ARHGAP27: variants seen among roughly 807,000 people sequenced by gnomAD.
ARHGAP27 encodes rho GTPase-activating protein 27.
ARHGAP27 carries 53 observed loss-of-function variants against 102.0 expected under a neutral mutation model. The observed-to-expected ratio is 0.52, with a 90% CI of 0.42 to 0.65. ARHGAP27 has a LOEUF of 0.65. Among genes scored for constraint, ARHGAP27 ranks in the 30% least tolerant of loss-of-function variants. The pLI is 0.00. For missense variants in ARHGAP27, 1,117 were observed against 1,256.2 expected, an observed-to-expected ratio of 0.89 and a Z score of 1.68; for synonymous variants, 525 against 542.8, an observed-to-expected ratio of 0.97 and a Z score of 0.46.
chr17:45,396,476 A>G lies in ARHGAP27; in HGVS notation c.2173+11T>C, dbSNP rs2045691069. 6.6e-7 allele frequency: 1 copy of G among 1,525,054 alleles called. No individual in the cohort carries two copies. 94.5% of individuals were successfully genotyped at this position (1,525,054 alleles called of 1,614,324 possible). On this transcript the variant is annotated intron_variant, in intron 16 of 19. Coordinates refer to ENST00000685559, the MANE Select transcript of ARHGAP27 (RefSeq NM_001282290.2). Reference sequence around the variant, plus strand: ...CAATGCCTGCCGCCCTCACCCCCGCAGCGCACGTACCGCGGGCCTCGACGG... The same window carrying G: ...CAATGCCTGCCGCCCTCACCCCCGCGGCGCACGTACCGCGGGCCTCGACGG...
chr17:45,418,204 C>T (rs2048673626), intron 4 of ARHGAP27, among the ~76,000 whole-genome samples: 1 of 147,790 alleles, frequency 6.8e-6, no homozygotes, highest in South Asian at 2.2e-4. Flanking sequence ...TTCGGCCTCC[C>T]AAAGTGCTAA....
chr17:45,418,036 CAAAA>C (rs781066887), intron 4 of ARHGAP27, among the ~76,000 whole-genome samples: 1 of 83,134 alleles, frequency 1.2e-5, no homozygotes, highest in Non-Finnish European at 2.5e-5. Flanking sequence ...GACTCTGTCT[CAAAA>C]AAAAAAAAAA....
chr17:45,416,693 G>A (rs1391434134), intron 4 of ARHGAP27, among the ~76,000 whole-genome samples: 4 of 150,896 alleles, frequency 2.7e-5, no homozygotes, highest in South Asian at 2.1e-4. Flanking sequence ...GATCACAGGC[G>A]CCCACCACCA....
chr17:45,406,185 C>A, intron 4 of ARHGAP27, 102 bp from the exon 5 acceptor site: 2 of 1,319,980 alleles, frequency 1.5e-6, no homozygotes, highest in South Asian at 3.2e-5. Flanking sequence ...TATTTGTTTT[C>A]GCTTTATTTT....
intron 12 of ARHGAP27, among the ~76,000 whole-genome samples, chr17:45,399,466 C>T (rs577077189): frequency 6.6e-6 from 1 of 152,114 alleles, no homozygotes; most frequent in South Asian, 2.1e-4. Flanking sequence ...GTGGCACGCA[C>T]CTGTAGTCCC....
chr17:45,399,403 T>C (rs2144274728), intron 12 of ARHGAP27, among the ~76,000 whole-genome samples: 1 of 152,120 alleles, frequency 6.6e-6, no homozygotes, highest in East Asian at 1.9e-4. Flanking sequence ...CCATTCTGGC[T>C]AACACAGTGA....
intron 4 of ARHGAP27, 53 bp from the exon 5 acceptor site, chr17:45,406,136 T>C (rs1002718910): frequency 4.8e-5 from 70 of 1,467,784 alleles, no homozygotes; most frequent in Non-Finnish European, 6.0e-5. Context: ...TCCAAAATGG[T>C]AACAGAGGTC....
chr17:45,421,401 GA>G (rs1330897120), intron 4 of ARHGAP27, among the ~76,000 whole-genome samples: 1 of 151,756 alleles, frequency 6.6e-6, no homozygotes, highest in African/African-American at 2.4e-5. Flanking sequence ...AGGATCACTT[GA>G]ACCCAGGAGG....
intron 4 of ARHGAP27, among the ~76,000 whole-genome samples, chr17:45,428,138 G>A (rs868691431): frequency 2.3e-4 from 35 of 152,348 alleles, no homozygotes; most frequent in Non-Finnish European, 3.7e-4. Context: ...ACCTCCAGGG[G>A]CTCTGCTCAG....
intron 4 of ARHGAP27, among the ~76,000 whole-genome samples, chr17:45,425,912 TC>T (rs1204866399): frequency 6.6e-6 from 1 of 152,068 alleles, no homozygotes; most frequent in African/African-American, 2.4e-5. Context: ...CCTGCTTACC[TC>T]CCCCGTCTCC....
chr17:45,404,725 G>A, intron 6 of ARHGAP27, 44 bp from the exon 7 acceptor site: 1 of 1,583,260 alleles, frequency 6.3e-7, no homozygotes, highest in South Asian at 1.1e-5. Flanking sequence ...CAGCTTATGA[G>A]AGGGGAGGAA....
At chr17:45,412,132 C>A (rs2047981902) in intron 4 of ARHGAP27, among the ~76,000 whole-genome samples, 1 of 152,190 alleles carries the variant, frequency 6.6e-6, no homozygotes, top group African/African-American at 2.4e-5. Flanking sequence ...AAGCTGGGCC[C>A]CCATGATGGG....
chr17:45,403,875 C>A, intron 10 of ARHGAP27, 154 bp downstream of exon 10: 2 of 1,028,278 alleles, frequency 1.9e-6, no homozygotes, highest in Non-Finnish European at 2.9e-6. Context: ...GGACCTTGAG[C>A]AAGTCACTTT....
In ARHGAP27 at chr17:45,411,362, C is replaced by T. The variant is rs2047890342; in HGVS notation, c.658-5279G>A. The stretch of plus-strand genomic sequence containing the variant: ...CCCACCAGCCCACCCCTGCTGAAGT[C>T]CACCTCCTTTCCTGGTCAGGCTCTG... On this transcript the variant is annotated intron_variant, in intron 4 of 19. Transcript: ENST00000685559. Among the ~76,000 whole-genome samples, 4 of 152,090 alleles carry T rather than the reference C, an allele frequency of 2.6e-5. No homozygotes were observed. In the South Asian group the frequency reaches 8.3e-4, roughly 32 times the overall value.
intron 13 of ARHGAP27, chr17:45,397,334 TG>T: frequency 1.6e-6 from 2 of 1,256,160 alleles, no homozygotes; most frequent in Non-Finnish European, 2.0e-6. Flanking sequence ...CTCCTCTAAC[TG>T]GGTCAGCATT....
chr17:45,429,604 C>G lies in ARHGAP27; in HGVS notation c.657+19G>C, dbSNP rs761894276. 1 of 1,575,372 alleles carries G rather than the reference C, an allele frequency of 6.3e-7. No homozygotes were observed. The highest frequency in any genetic ancestry group is 8.6e-7 in the Non-Finnish European group (1 of 1,161,050). ...CTAGCGCGCCACCCGCCTCCGCGCC[C>G]CAGCGCCCGGGGAGGTACCTGCTCT... On this transcript the variant is annotated intron_variant, in intron 4 of 19. Transcript: ENST00000685559.
chr17:45,404,597 T>A lies in ARHGAP27; in HGVS notation c.1329+4A>T. ...CCAACACCCCCCTTTCCCCAGGTTG[T>A]TACCTGGGGCAGCTCCCATCGAACA... On this transcript the variant is annotated splice_donor_region_variant and intron_variant, in intron 7 of 19. Transcript: ENST00000685559. The A allele has an allele frequency of 6.2e-7, 1 of 1,613,790 alleles. No homozygotes were observed. The highest frequency in any genetic ancestry group is 8.5e-7 in the Non-Finnish European group (1 of 1,179,724).
In ARHGAP27 at chr17:45,405,811, A is replaced by T. The variant is rs1244380142; in HGVS notation, c.930T>A (p.Asp310Glu). ...AGAAGAACACCCTGCGGCTCTCCTC[A>T]TCCCAGTACTGGCCCCACTCGGTCT... is the stretch of plus-strand genomic sequence containing the variant. ...SLETEWGQYWDEESRRVFFYN... is the reference protein window; with the variant it reads ...SLETEWGQYWEEESRRVFFYN... The change falls in exon 5 of 20, where the codon GAT (aspartate) becomes GAA (glutamate). Residue 310 changes from aspartate (D) to glutamate (E), a missense_variant. Around this residue, in one of 3 missense-constraint regions of ARHGAP27, gnomAD observed 610 missense variants for 716.4 expected, o/e 0.85. Coordinates refer to ENST00000685559, the MANE Select transcript of ARHGAP27 (RefSeq NM_001282290.2). 2 of 1,540,652 alleles carry T rather than the reference A, an allele frequency of 1.3e-6. No homozygotes were observed. The highest frequency in any genetic ancestry group is 1.7e-6 in the Non-Finnish European group (2 of 1,148,870).
At chr17:45,418,486 A>G (rs34286926) in intron 4 of ARHGAP27, among the ~76,000 whole-genome samples, 21,152 of 152,024 alleles carry the variant, frequency 0.14, 1,757 homozygotes, top group Middle Eastern at 0.23. Flanking sequence ...GAAAAGAAAA[A>G]AAAGTTGTTC....
Sources: gnomAD v4.1 joint callset for allele counts (sites outside exome capture counted in the v4.1 genomes callset) on GRCh38, gnomAD v4.1.1 for gene constraint, gnomAD v4.1.1 regional missense constraint, MANE v1.5 for transcripts, NCBI Gene and HGNC (gene_info 2026-07-23, HGNC 2026-07-21) for gene names.